GMCL1: variants seen among roughly 807,000 people sequenced by gnomAD.
GMCL1 encodes germ cell-less 1, spermatogenesis associated, also known as germ cell-less protein-like 1.
A neutral mutation model predicts 75.5 loss-of-function variants in GMCL1; 54 were observed. That is an observed-to-expected ratio of 0.71 (90% CI 0.57 to 0.90). The LOEUF is 0.90. Ranked by LOEUF, GMCL1 falls within the 40% of genes least tolerant of loss-of-function variation. The probability of loss-of-function intolerance (pLI) is 0.00; values close to 1 mark genes in which losing one functional copy is unlikely to be tolerated. For synonymous variants in GMCL1, 210 were observed against 209.6 expected, an observed-to-expected ratio of 1.00 and a Z score of -0.02; for missense variants, 537 against 622.7, an observed-to-expected ratio of 0.86 and a Z score of 1.47.
At chr2:69,843,550 A>AG (rs1422550617) in intron 5 of GMCL1, among the ~76,000 whole-genome samples, 1 of 152,192 alleles carries the variant, frequency 6.6e-6, no homozygotes, top group Non-Finnish European at 1.5e-5. Context: ...GTGGTTTGGG[A>AG]GGCCAAGGCA....
chr2:69,835,012 T>G (rs1304940648), intron 1 of GMCL1, among the ~76,000 whole-genome samples: 1 of 152,094 alleles, frequency 6.6e-6, no homozygotes, highest in Admixed American at 6.6e-5. Context: ...TACTAAAATA[T>G]GAAATGTGCT....
Position 69,840,752 on chromosome 2 carries a change from TATTAA to T in GMCL1, c.482-184_482-180del, listed in dbSNP as rs544566448. Among the ~76,000 whole-genome samples the T allele has an allele frequency of 4.5e-3, 692 of 152,386 alleles. 7 individuals are homozygous for T. The highest frequency in any genetic ancestry group is 0.014 in the African/African-American group (596 of 41,592). On this transcript the variant is annotated intron_variant, in intron 3 of 13. Coordinates refer to ENST00000282570, the MANE Select transcript of GMCL1 (RefSeq NM_178439.5). ...AATAAACAGAAATTTATAACCTTGT[TATTAA>T]ATTAACAGTGTCAACCAGTAACCAT... is the stretch of plus-strand genomic sequence containing the variant.
At chr2:69,846,987 C>T (rs56194102) in intron 6 of GMCL1, among the ~76,000 whole-genome samples, 3,174 of 150,780 alleles carry the variant, frequency 0.021, 48 homozygotes, top group Non-Finnish European at 0.035. Context: ...TGCACACCAA[C>T]ATGATTGGCT....
rs1675764469 is a variant in GMCL1 at position 69,864,910 on chromosome 2, A to G, written c.1153A>G (p.Ile385Val). ...EQDSEVGPQE[I>V]NKEELEGNSM... ...TATGTATATTTTTAGGCCTCAAGAA[A>G]TCAATAAAGAAGAACTAGAGGGAAA... Residue 385 changes from isoleucine (I) to valine (V), a missense_variant, in exon 11 of 14, where the codon ATC becomes GTC. Physicochemically the swap from Ile to Val is conservative, Grantham distance 29. Coordinates refer to ENST00000282570, the MANE Select transcript of GMCL1 (RefSeq NM_178439.5). The G allele has an allele frequency of 6.2e-7, 1 of 1,610,780 alleles. No individual in the cohort carries two copies. Among genetic ancestry groups the G allele is most frequent in the Non-Finnish European group, 8.5e-7 (1 of 1,177,320 alleles).
chr2:69,850,283 A>G (rs188564205), intron 8 of GMCL1, among the ~76,000 whole-genome samples: 3 of 152,356 alleles, frequency 2.0e-5, no homozygotes, highest in African/African-American at 7.2e-5. Context: ...GGTTAAGATC[A>G]ACTGCTATAA....
chr2:69,865,058 A>G, intron 11 of GMCL1, 83 bp downstream of exon 11: 1 of 977,684 alleles, frequency 1.0e-6, no homozygotes. Context: ...TAATCATGAC[A>G]CCTGTCATAC....
At chr2:69,850,428 A>G (rs1675284855) in intron 8 of GMCL1, among the ~76,000 whole-genome samples, 1 of 152,228 alleles carries the variant, frequency 6.6e-6, no homozygotes, top group Non-Finnish European at 1.5e-5. Context: ...GTCAGGTGCA[A>G]AGAACTGGAT....
At chr2:69,857,261 A>C (rs1353175568) in intron 9 of GMCL1, among the ~76,000 whole-genome samples, 2 of 152,136 alleles carry the variant, frequency 1.3e-5, no homozygotes, top group Non-Finnish European at 2.9e-5. Context: ...AGTTGTCTTC[A>C]ACTCTGTGTC....
At chr2:69,869,898 A>G (rs779041088) in intron 12 of GMCL1, 34 bp downstream of exon 12, 1 of 1,590,174 alleles carries the variant, frequency 6.3e-7, no homozygotes, top group Non-Finnish European at 8.6e-7. Context: ...ACTCCTCCTC[A>G]CTCCAGAGAA....
intron 1 of GMCL1, among the ~76,000 whole-genome samples, chr2:69,833,493 G>A (rs940624014): frequency 6.6e-6 from 1 of 152,230 alleles, no homozygotes; most frequent in African/African-American, 2.4e-5. Flanking sequence ...GTGCACGCCT[G>A]TATTCCTAGC....
intron 9 of GMCL1, among the ~76,000 whole-genome samples, chr2:69,855,466 T>G (rs565076882): frequency 1.3e-5 from 2 of 152,164 alleles, no homozygotes; most frequent in Admixed American, 1.3e-4. Context: ...ATAATTCTAT[T>G]TAGTACTATA....
chr2:69,871,363 G>A (rs1259898838), intron 12 of GMCL1, among the ~76,000 whole-genome samples: 1 of 152,150 alleles, frequency 6.6e-6, no homozygotes, highest in South Asian at 2.1e-4. Context: ...CAGGGCCTGA[G>A]GGAAGGGAAA....
chr2:69,839,579 T>A (rs1419931117), intron 3 of GMCL1, 26 bp downstream of exon 3: 1 of 1,270,758 alleles, frequency 7.9e-7, no homozygotes, highest in Non-Finnish European at 1.1e-6. Flanking sequence ...ATTACTATTA[T>A]GCAACAATCG....
At position 69,867,577 on chromosome 2, in the gene GMCL1, T is replaced by C. The variant is rs565131652; in HGVS notation, c.1219-2142T>C. ...TTTCTGACCACATTTCTACTTCTTA[T>C]TTTGCTTGACTTATATTTTATGTTC... is the stretch of plus-strand genomic sequence containing the variant. On this transcript the variant is annotated intron_variant, in intron 11 of 13. Coordinates refer to ENST00000282570, the MANE Select transcript of GMCL1 (RefSeq NM_178439.5). 4.6e-5 allele frequency among the ~76,000 whole-genome samples: 7 copies of C among 152,328 alleles called. No homozygotes were observed. The South Asian group carries it at 1.4e-3, about 32-fold the overall frequency.
chr2:69,859,846 C>T (rs1675592082), intron 9 of GMCL1, among the ~76,000 whole-genome samples: 5 of 150,132 alleles, frequency 3.3e-5, no homozygotes. Context: ...TAGGAAGTGA[C>T]AATCCAGATT....
intron 13 of GMCL1, among the ~76,000 whole-genome samples, chr2:69,878,669 A>G (rs1676191393): frequency 6.6e-6 from 1 of 152,184 alleles, no homozygotes; most frequent in African/African-American, 2.4e-5. Context: ...TGGCTTTGCA[A>G]AACCCCCTGT....
At chr2:69,861,376 A>G (rs369535017) in intron 10 of GMCL1, 29 bp downstream of exon 10, 7 of 1,435,178 alleles carry the variant, frequency 4.9e-6, no homozygotes, top group Non-Finnish European at 5.7e-6. Flanking sequence ...ATCATTTTTC[A>G]TTAAAAAAAT....
chr2:69,863,854 T>A (rs1167479172), intron 10 of GMCL1, among the ~76,000 whole-genome samples: 2 of 152,226 alleles, frequency 1.3e-5, no homozygotes, highest in East Asian at 3.9e-4. Flanking sequence ...TGCATTAAAT[T>A]CCTTTACATT....
intron 11 of GMCL1, among the ~76,000 whole-genome samples, chr2:69,865,369 C>T (rs1675780205): frequency 6.6e-6 from 1 of 152,146 alleles, no homozygotes; most frequent in African/African-American, 2.4e-5. Context: ...TTTTCTTGGC[C>T]AGGTGCGGTG....
Sources: gnomAD v4.1 joint callset for allele counts (sites outside exome capture counted in the v4.1 genomes callset) on GRCh38, gnomAD v4.1.1 for gene constraint, MANE v1.5 for transcripts, NCBI Gene and HGNC (gene_info 2026-07-23, HGNC 2026-07-21) for gene names.